The following B4GALT1 variants were observed in gnomAD, a reference collection of about 807,000 sequenced individuals.
B4GALT1 encodes beta-1,4-galactosyltransferase 1, also known as N-acetyllactosamine synthase.
In B4GALT1, 16 loss-of-function variants were observed where a neutral mutation model predicts 34.9. That is an observed-to-expected ratio of 0.46 (90% confidence interval 0.31 to 0.70). The LOEUF (loss-of-function observed/expected upper bound fraction) is 0.70, where lower values mean the gene tolerates loss of function less well. Among genes scored for constraint, B4GALT1 ranks in the 30% least tolerant of loss-of-function variants. The pLI is 0.05. For missense variants in B4GALT1, 445 were observed against 530.5 expected (o/e 0.84, Z 1.58); for synonymous variants, 221 against 218.1 (o/e 1.01, Z -0.12).
intron 3 of B4GALT1, among the ~76,000 whole-genome samples, chr9:33,118,329 G>A (rs1839969759): frequency 6.6e-6 from 1 of 152,118 alleles, no homozygotes; most frequent in African/African-American, 2.4e-5. Flanking sequence ...AGGGAGGACA[G>A]GAAGAAATGA....
At chr9:33,135,747 G>T (rs1453572772) in intron 1 of B4GALT1, among the ~76,000 whole-genome samples, 2 of 152,210 alleles carry the variant, frequency 1.3e-5, no homozygotes, top group African/African-American at 2.4e-5. Flanking sequence ...CTTCCTGACA[G>T]GCTGTTGTAG....
chr9:33,107,764 C>T (rs759328500), downstream of B4GALT1, among the ~76,000 whole-genome samples: 1 of 152,138 alleles, frequency 6.6e-6, no homozygotes, highest in Non-Finnish European at 1.5e-5. Flanking sequence ...TCCTTCCTCC[C>T]TCCCTGGTCC....
At chr9:33,167,600 C>T (rs978521218), upstream of B4GALT1, among the ~76,000 whole-genome samples, 5 of 152,204 alleles carry the variant, frequency 3.3e-5, no homozygotes, top group Non-Finnish European at 5.9e-5. Context: ...GCTTCGGTCG[C>T]GTTGAGCCGC....
At position 33,120,436 on chromosome 9, in the gene B4GALT1, C is replaced by T. The variant is rs1240836879; in HGVS notation, c.819G>A (p.Met273Ile). 6.2e-7 allele frequency: 1 copy of T among 1,613,346 alleles called. No homozygotes were observed. The highest frequency in any genetic ancestry group is 1.1e-5 in the South Asian group (1 of 91,040). ...TCTCTTACCTGAATCCAAACTTATC[C>T]ATTGCAACGGAAATGTGCCGTGGCT... is the stretch of plus-strand genomic sequence containing the variant. ...FSQPRHISVA[M>I]DKFGFSLPYV... Residue 273 changes from methionine to isoleucine, a missense_variant, in exon 3 of 6, where the codon ATG becomes ATA. By Grantham distance (10) the Met-to-Ile change is conservative. This residue lies in a region of B4GALT1 where 349 missense variants were observed against 395.5 expected (regional missense o/e 0.88). Coordinates refer to ENST00000379731, the MANE Select transcript of B4GALT1 (RefSeq NM_001497.4).
intron 1 of B4GALT1, among the ~76,000 whole-genome samples, chr9:33,165,307 TA>T (rs58960269): frequency 6.6e-6 from 1 of 151,638 alleles, no homozygotes; most frequent in African/African-American, 2.4e-5. Context: ...CATTTAGTCT[TA>T]AAAAAACCCC....
At chr9:33,136,384 G>T in intron 1 of B4GALT1, among the ~76,000 whole-genome samples, 1 of 152,168 alleles carries the variant, frequency 6.6e-6, no homozygotes, top group Non-Finnish European at 1.5e-5. Flanking sequence ...AGGCAACACA[G>T]GGAATCAAGG....
intron 1 of B4GALT1, among the ~76,000 whole-genome samples, chr9:33,162,317 A>C (rs1258971924): frequency 6.6e-6 from 1 of 152,154 alleles, no homozygotes; most frequent in Non-Finnish European, 1.5e-5. Flanking sequence ...GGAAGGGGAT[A>C]AATACACACT....
At chr9:33,149,630 A>G (rs986616996) in intron 1 of B4GALT1, among the ~76,000 whole-genome samples, 3 of 152,168 alleles carry the variant, frequency 2.0e-5, no homozygotes, top group Non-Finnish European at 4.4e-5. Flanking sequence ...ATAATGGAGT[A>G]ATGCCAAATG....
chr9:33,171,412 T>G (rs1247452572), upstream of B4GALT1, among the ~76,000 whole-genome samples: 4 of 152,190 alleles, frequency 2.6e-5, no homozygotes. Context: ...AGAGGAAGCA[T>G]TCCAAAAAGG....
At chr9:33,119,032 T>G (rs1471683385) in intron 3 of B4GALT1, among the ~76,000 whole-genome samples, 3 of 152,080 alleles carry the variant, frequency 2.0e-5, no homozygotes, top group Non-Finnish European at 4.4e-5. Flanking sequence ...TGGCTAATTT[T>G]TGTATTTTTA....
chr9:33,134,036 A>G (rs908681936), intron 2 of B4GALT1, among the ~76,000 whole-genome samples: 4 of 152,160 alleles, frequency 2.6e-5, no homozygotes, highest in Admixed American at 6.5e-5. Context: ...CAATCACAGG[A>G]TATTTGGGTC....
intron 1 of B4GALT1, among the ~76,000 whole-genome samples, chr9:33,151,837 C>A (rs1407286889): frequency 6.6e-6 from 1 of 152,148 alleles, no homozygotes; most frequent in African/African-American, 2.4e-5. Context: ...AAGCTTCTTG[C>A]AGCATGAGAG....
At chr9:33,119,845 C>T (rs1464591520) in intron 3 of B4GALT1, among the ~76,000 whole-genome samples, 3 of 152,148 alleles carry the variant, frequency 2.0e-5, no homozygotes, top group Non-Finnish European at 2.9e-5. Context: ...CAAGAAAATA[C>T]AGTATCATTT....
intron 1 of B4GALT1, among the ~76,000 whole-genome samples, chr9:33,154,966 T>A (rs1840575930): frequency 6.6e-6 from 1 of 152,204 alleles, no homozygotes; most frequent in African/African-American, 2.4e-5. Flanking sequence ...TAGGTGGATG[T>A]GGATTTCTCC....
At chr9:33,159,679 G>T (rs1309111282) in intron 1 of B4GALT1, among the ~76,000 whole-genome samples, 1 of 152,114 alleles carries the variant, frequency 6.6e-6, no homozygotes, top group Admixed American at 6.5e-5. Context: ...TCTCACTATG[G>T]CTCCTCCCTA....
the B4GALT1 span, among the ~76,000 whole-genome samples, chr9:33,181,113 T>C: frequency 6.6e-6 from 1 of 152,124 alleles, no homozygotes; most frequent in Non-Finnish European, 1.5e-5. Flanking sequence ...CTCCACTTCC[T>C]TTACATCTTT....
intron 3 of B4GALT1, among the ~76,000 whole-genome samples, chr9:33,117,071 C>T (rs1279274630): frequency 6.6e-6 from 1 of 152,124 alleles, no homozygotes. Context: ...GCTCTGTTCC[C>T]GCACATGAAG....
downstream of B4GALT1, among the ~76,000 whole-genome samples, chr9:33,108,111 G>A (rs1400110360): frequency 2.6e-5 from 4 of 152,152 alleles, no homozygotes; most frequent in East Asian, 1.9e-4. Flanking sequence ...AACACTTGTC[G>A]TGCTTATTAT....
intron 1 of B4GALT1, among the ~76,000 whole-genome samples, chr9:33,138,761 T>C (rs1840306178): frequency 6.6e-6 from 1 of 152,154 alleles, no homozygotes; most frequent in Non-Finnish European, 1.5e-5. Context: ...TAGCCATATG[T>C]CATGGGCACC....
Sources: gnomAD v4.1 joint callset for allele counts (sites outside exome capture counted in the v4.1 genomes callset) on GRCh38, gnomAD v4.1.1 for gene constraint, gnomAD v4.1.1 regional missense constraint, MANE v1.5 for transcripts, NCBI Gene and HGNC (gene_info 2026-07-23, HGNC 2026-07-21) for gene names.